Variants in CELA3A observed in about 807,000 individuals in gnomAD.
CELA3A encodes chymotrypsin like elastase 3A, also known as chymotrypsin-like elastase family member 3A.
CELA3A carries 35 observed loss-of-function variants against 38.6 expected under a neutral mutation model. The observed-to-expected ratio is 0.91, with a 90% CI of 0.69 to 1.20. CELA3A has a LOEUF of 1.20. CELA3A is among the 50% of genes most tolerant of loss of function. The pLI is 0.00. For missense variants in CELA3A, 343 were observed against 354.2 expected, an observed-to-expected ratio of 0.97 and a Z score of 0.25; for synonymous variants, 143 against 136.7, an observed-to-expected ratio of 1.05 and a Z score of -0.32.
intron 5 of CELA3A, 30 bp from the exon 6 acceptor site, chr1:22,007,343 C>G (rs762911187): frequency 8.8e-6 from 14 of 1,593,856 alleles, no homozygotes; most frequent in Non-Finnish European, 3.4e-6. Context: ...TGCCCCCAGA[C>G]CCCTGACTCG....
chr1:22,011,366 G>A (rs1234183191), intron 7 of CELA3A, among the ~76,000 whole-genome samples: 1 of 145,396 alleles, frequency 6.9e-6, no homozygotes, highest in Non-Finnish European at 1.5e-5. Context: ...GGGTGACAGA[G>A]CAAGACTCCA....
chr1:22,003,121 C>T lies in CELA3A; in HGVS notation c.129+33C>T, dbSNP rs372304926. Reference sequence around the variant, plus strand: ...CAATAGCAGCTGCCCTCATTCCCACCGTGGGCTCTGGACCCTAAGCTCTAA... The same window carrying T: ...CAATAGCAGCTGCCCTCATTCCCACTGTGGGCTCTGGACCCTAAGCTCTAA... On this transcript the variant is annotated intron_variant, in intron 2 of 7. Coordinates refer to ENST00000290122, the MANE Select transcript of CELA3A (RefSeq NM_005747.5). 119 of 1,545,798 alleles carry T rather than the reference C, an allele frequency of 7.7e-5. 2 individuals are homozygous for T. The African/African-American group carries it at 1.4e-3, about 18-fold the overall frequency.
rs535712718 is a variant in CELA3A at position 22,001,758 on chromosome 1, G to A, written c.43+41G>A. The A allele has an allele frequency of 4.5e-5, 72 of 1,608,998 alleles. 2 individuals carry two copies. The Middle Eastern group carries it at 6.6e-4, about 15-fold the overall frequency. On this transcript the variant is annotated intron_variant, in intron 1 of 7. Transcript: ENST00000290122. ...GTCTGTGTGCTCCCTGGGCTGCCCTGGACTAGGAATCCTTGAAATCTACCA... is the reference window on the plus strand; with the variant it reads ...GTCTGTGTGCTCCCTGGGCTGCCCTAGACTAGGAATCCTTGAAATCTACCA...
At chr1:22,002,263 A>G (rs1644922766) in intron 1 of CELA3A, among the ~76,000 whole-genome samples, 1 of 151,454 alleles carries the variant, frequency 6.6e-6, no homozygotes, top group Admixed American at 6.6e-5. Flanking sequence ...CAACAGCCTC[A>G]GGAGATCAGT....
intron 2 of CELA3A, 137 bp downstream of exon 2, chr1:22,003,225 A>T (rs1569864883): frequency 3.2e-6 from 3 of 934,922 alleles, no homozygotes; most frequent in East Asian, 5.6e-5. Context: ...CAGCCCTTGG[A>T]CCATCTACTT....
chr1:22,005,361 G>C, intron 2 of CELA3A, 86 bp from the exon 3 acceptor site: 1 of 1,515,000 alleles, frequency 6.6e-7, no homozygotes, highest in Non-Finnish European at 9.1e-7. Context: ...CTCTAGAGTT[G>C]CACAGTGCAC....
At position 22,008,558 on chromosome 1, in the gene CELA3A, G is replaced by A. The variant is rs1644965083; in HGVS notation, c.642+1043G>A. On this transcript the variant is annotated intron_variant, in intron 6 of 7. Coordinates refer to ENST00000290122, the MANE Select transcript of CELA3A (RefSeq NM_005747.5). ...GCGGATCACGAGGTCAGGAGATCGA[G>A]ATCATCCTGGCTAACATGGTGAAAC... is the stretch of plus-strand genomic sequence containing the variant. Among the ~76,000 whole-genome samples the A allele has an allele frequency of 2.0e-5, 3 of 150,748 alleles. No individual in the cohort carries two copies. In the South Asian group the frequency reaches 6.3e-4, roughly 31 times the overall value.
At chr1:22,002,698 C>T (rs1366347092) in intron 1 of CELA3A, 4 of 416,516 alleles carry the variant, frequency 9.6e-6, no homozygotes, top group African/African-American at 8.4e-5. Context: ...CTCTGTATGA[C>T]AATAGCTCTC....
At position 22,005,642 on chromosome 1, in the gene CELA3A, G is replaced by A. The variant is rs1644945305; in HGVS notation, c.228-20G>A. 1 of 1,612,338 alleles carries A rather than the reference G, an allele frequency of 6.2e-7. No individual in the cohort carries two copies. The highest frequency in any genetic ancestry group is 8.5e-7 in the Non-Finnish European group (1 of 1,179,400). On this transcript the variant is annotated intron_variant, in intron 3 of 7. Transcript: ENST00000290122. The stretch of plus-strand genomic sequence containing the variant: ...GAGGTGAGCCAGTCAGGCCCCGACT[G>A]ACCTCACCTCTGCCTGCAGGAGGGA...
At position 22,005,524 on chromosome 1, in the gene CELA3A, G is replaced by T. The variant is rs1439042343; in HGVS notation, c.207G>T (p.Val69=). ...GCCTCATCGCCCCCGATTGGGTTGTGACTGCCGGCCACTGCATCTCGTGAG... is the reference window on the plus strand; with the variant it reads ...GCCTCATCGCCCCCGATTGGGTTGTTACTGCCGGCCACTGCATCTCGTGAG... ...GGSLIAPDWV[V]TAGHCISRDL... The change falls in exon 3 of 8, where the codon GTG becomes GTT. Residue 69 remains valine, a synonymous_variant. Transcript: ENST00000290122. 1 of 1,612,880 alleles carries T rather than the reference G, an allele frequency of 6.2e-7. No homozygotes were observed. Among genetic ancestry groups the T allele is most frequent in the African/African-American group, 1.3e-5 (1 of 74,448 alleles).
In CELA3A at chr1:22,002,972, A is replaced by C. The variant is rs41311995; in HGVS notation, c.44-31A>C. On this transcript the variant is annotated intron_variant, in intron 1 of 7. Coordinates refer to ENST00000290122, the MANE Select transcript of CELA3A (RefSeq NM_005747.5). ...TCCTCTTTGCTTTTGGGGACCCTCC[A>C]GCTGATTGACAGCTCTCCTCTCCCC... The C allele has an allele frequency of 4.4e-3, 6,741 of 1,518,278 alleles. 74 individuals are homozygous for C. The highest frequency in any genetic ancestry group is 8.7e-3 in the Middle Eastern group (50 of 5,726). 94.1% of individuals were successfully genotyped at this position (1,518,278 alleles called of 1,614,324 possible).
intron 6 of CELA3A, 146 bp from the exon 7 acceptor site, chr1:22,009,559 A>T: frequency 9.0e-7 from 1 of 1,115,740 alleles, no homozygotes; most frequent in East Asian, 3.0e-5. Context: ...CTAAAAAAAT[A>T]AAAATAATAA....
chr1:22,004,754 G>C (rs55914307), intron 2 of CELA3A, among the ~76,000 whole-genome samples: 220 of 149,732 alleles, frequency 1.5e-3, no homozygotes, highest in Non-Finnish European at 2.3e-3. Context: ...AACTCATCAG[G>C]GTGAGCTGTG....
chr1:22,008,166 T>TC (rs1050250475), intron 6 of CELA3A, among the ~76,000 whole-genome samples: 2 of 143,758 alleles, frequency 1.4e-5, no homozygotes, highest in African/African-American at 5.1e-5. Flanking sequence ...TTTTTTTTTT[T>TC]TTGAGACAGG....
intron 5 of CELA3A, 91 bp downstream of exon 5, chr1:22,007,105 C>T (rs1051980616): frequency 6.6e-7 from 1 of 1,516,310 alleles, no homozygotes; most frequent in Non-Finnish European, 8.9e-7. Context: ...CAAGACCGGA[C>T]CTTGTACTTT....
At chr1:22,006,025 A>C in intron 4 of CELA3A, 1 of 660,612 alleles carries the variant, frequency 1.5e-6, no homozygotes, top group East Asian at 2.9e-5. Flanking sequence ...TACAGAGGGG[A>C]TGGCAGTGTT....
At chr1:22,003,568 C>A (rs1644930826) in intron 2 of CELA3A, among the ~76,000 whole-genome samples, 1 of 150,640 alleles carries the variant, frequency 6.6e-6, no homozygotes, top group African/African-American at 2.5e-5. Flanking sequence ...GTAATCCCAG[C>A]TACTCAGGAG....
intron 2 of CELA3A, among the ~76,000 whole-genome samples, chr1:22,003,537 CA>C (rs1291085479): frequency 6.6e-6 from 1 of 150,514 alleles, no homozygotes; most frequent in African/African-American, 2.5e-5. Context: ...TAAATTAGGC[CA>C]GGTGCGGTGG....
intron 2 of CELA3A, among the ~76,000 whole-genome samples, chr1:22,004,068 TTTCTTTG>T: frequency 2.3e-5 from 2 of 87,682 alleles, no homozygotes; most frequent in South Asian, 3.8e-4. Flanking sequence ...TTTCTTTTCT[TTTCTTTG>T]TTTTTTTTTT....
Sources: gnomAD v4.1 joint callset for allele counts (sites outside exome capture counted in the v4.1 genomes callset) on GRCh38, gnomAD v4.1.1 for gene constraint, MANE v1.5 for transcripts, NCBI Gene and HGNC (gene_info 2026-07-23, HGNC 2026-07-21) for gene names.